The following ABLIM1 variants were observed in gnomAD, a reference collection of about 807,000 sequenced individuals.
ABLIM1 encodes the protein actin binding LIM protein 1, also known as actin-binding LIM protein 1.
Under a neutral mutation model 107.0 loss-of-function variants are expected in ABLIM1, and 40 were observed. That is an observed-to-expected ratio of 0.37 (90% CI 0.29 to 0.49). The LOEUF is 0.49. Ranked by LOEUF, ABLIM1 falls within the 20% of genes least tolerant of loss-of-function variation. The pLI is 0.97. For missense variants in ABLIM1, 857 were observed against 1,008.5 expected, an observed-to-expected ratio of 0.85 and a Z score of 2.04; for synonymous variants, 357 against 357.3, an observed-to-expected ratio of 1.00 and a Z score of 0.01.
At chr10:114,600,779 CT>C (rs1348462045) in intron 2 of ABLIM1, among the ~76,000 whole-genome samples, 1 of 152,142 alleles carries the variant, frequency 6.6e-6, no homozygotes, top group African/African-American at 2.4e-5. Context: ...TGAACCCCAT[CT>C]TGAGCTACCC....
intron 1 of ABLIM1, among the ~76,000 whole-genome samples, chr10:114,763,396 A>T (rs1294196900): frequency 7.9e-6 from 1 of 125,952 alleles, no homozygotes; most frequent in Non-Finnish European, 1.7e-5. Context: ...TTGTATTAAT[A>T]CATTGATAGT....
In ABLIM1 at chr10:114,650,745, G is replaced by A. The variant is rs548088499; in HGVS notation, c.244+7212C>T. On this transcript the variant is annotated intron_variant, in intron 1 of 22. Coordinates refer to ENST00000533213, the MANE Select transcript of ABLIM1 (RefSeq NM_002313.7). ...TCATATCTATTTTACAGCTCAAATC[G>A]CAAATCCTACTTTCTCTTTCCCTTC... Among the ~76,000 whole-genome samples the A allele has an allele frequency of 4.0e-4, 61 of 151,960 alleles. 1 individual carries two copies. In the South Asian group the frequency reaches 0.011, roughly 26 times the overall value.
intron 4 of ABLIM1, among the ~76,000 whole-genome samples, chr10:114,550,830 T>G (rs983545618): frequency 3.3e-5 from 5 of 152,262 alleles, no homozygotes; most frequent in African/African-American, 1.2e-4. Context: ...TTTTTCTTTA[T>G]TCTTCTAATT....
At chr10:114,695,360 C>T (rs2081173283) in intron 1 of ABLIM1, among the ~76,000 whole-genome samples, 3 of 152,138 alleles carry the variant, frequency 2.0e-5, no homozygotes. Flanking sequence ...ATTTAATACT[C>T]ACACCCCCCA....
At chr10:114,561,572 T>C (rs914628296) in intron 4 of ABLIM1, among the ~76,000 whole-genome samples, 6 of 152,170 alleles carry the variant, frequency 3.9e-5, no homozygotes, top group Admixed American at 3.3e-4. Context: ...TAATAGCAAT[T>C]GCTCAAATAT....
chr10:114,571,734 C>T (rs1375542787), intron 3 of ABLIM1, among the ~76,000 whole-genome samples: 8 of 152,126 alleles, frequency 5.3e-5, no homozygotes, highest in African/African-American at 1.9e-4. Flanking sequence ...AATGGAAAGT[C>T]CTTCATGAAA....
At chr10:114,552,578 A>T (rs1292769085) in intron 4 of ABLIM1, among the ~76,000 whole-genome samples, 1 of 152,160 alleles carries the variant, frequency 6.6e-6, no homozygotes, top group Admixed American at 6.5e-5. Flanking sequence ...AGAAAAAAGC[A>T]GGGATTTGGC....
chr10:114,607,661 A>C (rs7080812), intron 1 of ABLIM1, among the ~76,000 whole-genome samples: 5,468 of 152,268 alleles, frequency 0.036, 326 homozygotes, highest in African/African-American at 0.12. Flanking sequence ...AAAACAAAAC[A>C]AAACCCATAA....
intron 1 of ABLIM1, among the ~76,000 whole-genome samples, chr10:114,728,385 G>T (rs536957482): frequency 6.6e-6 from 1 of 151,434 alleles, no homozygotes; most frequent in East Asian, 1.9e-4. Flanking sequence ...GCTGCATCAG[G>T]AAGACACATG....
intron 1 of ABLIM1, among the ~76,000 whole-genome samples, chr10:114,734,411 C>T (rs1423732950): frequency 6.6e-6 from 1 of 152,160 alleles, no homozygotes; most frequent in African/African-American, 2.4e-5. Flanking sequence ...AGGTTTCCAA[C>T]CTTACTCCAA....
chr10:114,684,327 C>T (rs2080872865), exon 1 of ABLIM1: 3 of 1,614,018 alleles, frequency 1.9e-6, no homozygotes. Context: ...GGTCCGTGAG[C>T]TCAGTCATTT....
At chr10:114,733,463 C>T (rs537558932) in intron 1 of ABLIM1, among the ~76,000 whole-genome samples, 2 of 152,278 alleles carry the variant, frequency 1.3e-5, no homozygotes, top group South Asian at 4.1e-4. Flanking sequence ...AGTTTAGTCT[C>T]TGAAATTAAT....
rs2067148889 is a variant in ABLIM1, at chr10:114,545,106, A to C, written c.801-8T>G. Reference sequence around the variant, plus strand: ...CAGTACGGAGCACCATCCCTGCAAGACAAAAACGTGTTCGGCTCCTGAGGA... The same window carrying C: ...CAGTACGGAGCACCATCCCTGCAAGCCAAAAACGTGTTCGGCTCCTGAGGA... On this transcript the variant is annotated splice_region_variant and splice_polypyrimidine_tract_variant and intron_variant, in intron 5 of 22. Transcript: ENST00000533213. 1 of 1,613,940 alleles carries C rather than the reference A, an allele frequency of 6.2e-7. No homozygotes were observed.
intron 1 of ABLIM1, among the ~76,000 whole-genome samples, chr10:114,644,797 A>G (rs2497693): frequency 0.021 from 3,234 of 152,324 alleles, 100 homozygotes; most frequent in African/African-American, 0.074. Flanking sequence ...AAGTTAGGCC[A>G]GGCCAGGTGC....
chr10:114,665,074 G>A lies in ABLIM1; in HGVS notation c.64+19216C>T, dbSNP rs529820530. On this transcript the variant is annotated intron_variant, in intron 1 of 23. Coordinates refer to the ABLIM1 transcript ENST00000369256. ...GGAGCTTGCAGTGAGCCGAGATAGC[G>A]CCACTGCACTCCGGCCTCGGCGAAA... is the stretch of plus-strand genomic sequence containing the variant. 7.9e-5 allele frequency among the ~76,000 whole-genome samples: 12 copies of A among 150,992 alleles called. No individual in the cohort carries two copies. In the East Asian group the frequency reaches 2.2e-3, roughly 28 times the overall value.
chr10:114,764,043 G>A (rs2082820276), intron 1 of ABLIM1, among the ~76,000 whole-genome samples: 2 of 152,120 alleles, frequency 1.3e-5, no homozygotes, highest in Admixed American at 1.3e-4. Flanking sequence ...AATGAGGCCT[G>A]GGAATCTATA....
intron 6 of ABLIM1, among the ~76,000 whole-genome samples, chr10:114,523,664 A>G (rs1170394433): frequency 6.6e-6 from 1 of 152,170 alleles, no homozygotes; most frequent in Non-Finnish European, 1.5e-5. Context: ...CTCAGACATT[A>G]AAACCTGCTT....
At chr10:114,601,784 G>A (rs368763103) in intron 2 of ABLIM1, 43 bp downstream of exon 2, 115 of 1,613,990 alleles carry the variant, frequency 7.1e-5, no homozygotes, top group Non-Finnish European at 8.3e-5. Flanking sequence ...GGCAAGCCCC[G>A]ACCATGGCAT....
At chr10:114,509,619 G>C (rs1437830623) in intron 6 of ABLIM1, among the ~76,000 whole-genome samples, 1 of 152,132 alleles carries the variant, frequency 6.6e-6, no homozygotes, top group Non-Finnish European at 1.5e-5. Flanking sequence ...TCTTCCCATT[G>C]CCTACTGAAA....
Sources: gnomAD v4.1 joint callset for allele counts (sites outside exome capture counted in the v4.1 genomes callset) on GRCh38, gnomAD v4.1.1 for gene constraint, MANE v1.5 for transcripts, NCBI Gene and HGNC (gene_info 2026-07-23, HGNC 2026-07-21) for gene names.